Variants in SRGAP3 observed in about 807,000 individuals in gnomAD.
SRGAP3 encodes SLIT-ROBO Rho GTPase-activating protein 3.
Under a neutral mutation model 121.1 loss-of-function variants are expected in SRGAP3, and 39 were observed. The observed-to-expected ratio is 0.32, with a 90% CI of 0.25 to 0.42. SRGAP3 has a LOEUF of 0.42. Among genes scored for constraint, SRGAP3 ranks in the 10% least tolerant of loss-of-function variants. SRGAP3 has a pLI of 1.00. For synonymous variants in SRGAP3, 601 were observed against 570.0 expected, an observed-to-expected ratio of 1.05 and a Z score of -0.77; for missense variants, 1,213 against 1,470.6, an observed-to-expected ratio of 0.82 and a Z score of 2.86.
At chr3:9,028,061 T>A in intron 12 of SRGAP3, 1 of 1,613,486 alleles carries the variant, frequency 6.2e-7, no homozygotes, top group South Asian at 1.1e-5. Context: ...ACAGTTTCCA[T>A]CACGGTGAAT....
chr3:9,071,013 G>A (rs189154981), intron 4 of SRGAP3, among the ~76,000 whole-genome samples: 1 of 152,304 alleles, frequency 6.6e-6, no homozygotes, highest in Admixed American at 6.5e-5. Flanking sequence ...GCTGTTAGCT[G>A]GGTGAGCAGG....
intron 10 of SRGAP3, among the ~76,000 whole-genome samples, chr3:9,039,522 G>T (rs1944922071): frequency 6.6e-6 from 1 of 152,136 alleles, no homozygotes; most frequent in South Asian, 2.1e-4. Context: ...TACCCATTTG[G>T]AGTGTATAAT....
chr3:9,314,597 T>C (rs1955311551), intron 3 of SRGAP3, among the ~76,000 whole-genome samples: 1 of 152,074 alleles, frequency 6.6e-6, no homozygotes, highest in Admixed American at 6.6e-5. Context: ...GGTGAGTTTT[T>C]TGTCTTACTA....
chr3:9,223,413 TATC>T (rs775678216), intron 1 of SRGAP3, among the ~76,000 whole-genome samples: 1 of 152,224 alleles, frequency 6.6e-6, no homozygotes, highest in Admixed American at 6.5e-5. Context: ...CTACAGGACT[TATC>T]AGAGTCTTTA....
rs187678753 is a variant in SRGAP3, at chr3:9,318,956, G to T, written n.442+7054C>A. On this transcript the variant is annotated intron_variant and non_coding_transcript_variant, in intron 3 of 3. Transcript: ENST00000490889. ...ATCCTTATTTTGTTTTTTCTGATCTGCCATTTTCTTCCCTGAGTCAATAAG... is the reference window on the plus strand; with the variant it reads ...ATCCTTATTTTGTTTTTTCTGATCTTCCATTTTCTTCCCTGAGTCAATAAG... 3.8e-4 allele frequency among the ~76,000 whole-genome samples: 57 copies of T among 151,882 alleles called. 1 individual carries two copies. The East Asian group carries it at 7.5e-3, about 20-fold the overall frequency.
Position 9,190,403 on chromosome 3 carries a change from T to C in SRGAP3, c.67+58482A>G, listed in dbSNP as rs1298422907. Among the ~76,000 whole-genome samples, 16 of 152,238 alleles carry C rather than the reference T, an allele frequency of 1.1e-4. 1 individual carries two copies. In the East Asian group the frequency reaches 3.1e-3, roughly 29 times the overall value. ...ACGCTGAGCTCTTGGCATGAACAGA[T>C]AGGTTTCGCCATGGTCTCGAGTATG... On this transcript the variant is annotated intron_variant, in intron 1 of 21. Coordinates refer to ENST00000383836, the MANE Select transcript of SRGAP3 (RefSeq NM_014850.4).
chr3:9,210,887 AT>A (rs1952424211), intron 1 of SRGAP3, among the ~76,000 whole-genome samples: 1 of 152,210 alleles, frequency 6.6e-6, no homozygotes. Flanking sequence ...AAACTGTTAA[AT>A]TTTTTTAAAG....
intron 3 of SRGAP3, among the ~76,000 whole-genome samples, chr3:9,267,769 G>A (rs1280821029): frequency 6.6e-6 from 1 of 152,094 alleles, no homozygotes; most frequent in Non-Finnish European, 1.5e-5. Context: ...ATGCTGTCTG[G>A]ACAACAGCCA....
chr3:9,215,032 A>T (rs917245906), intron 1 of SRGAP3, among the ~76,000 whole-genome samples: 4 of 152,278 alleles, frequency 2.6e-5, no homozygotes, highest in Non-Finnish European at 5.9e-5. Context: ...TAAGTGGTGG[A>T]GGGGGAAATT....
rs1459042286 is a variant in SRGAP3 at position 8,985,470 on chromosome 3, GGCCGTGGTGA to G, written c.*39_*48del. 1 of 1,594,206 alleles carries G rather than the reference GGCCGTGGTGA, an allele frequency of 6.3e-7. No homozygotes were observed. Among genetic ancestry groups the G allele is most frequent in the African/African-American group, 1.3e-5 (1 of 74,584 alleles). On this transcript the variant is annotated 3_prime_UTR_variant, in exon 22 of 22. Coordinates refer to ENST00000383836, the MANE Select transcript of SRGAP3 (RefSeq NM_014850.4). This position sits in a 1 kb window ranked among gnomAD's most constrained non-coding sequence, Gnocchi z 5.1. The stretch of plus-strand genomic sequence containing the variant: ...CGTGGAAGCCACCAAGGCCACCCTG[GGCCGTGGTGA>G]GCCACAGCGGGCCACGGCGGCGCGG...
intron 1 of SRGAP3, among the ~76,000 whole-genome samples, chr3:9,217,190 A>G (rs1041535565): frequency 2.0e-5 from 3 of 152,278 alleles, no homozygotes; most frequent in Admixed American, 6.5e-5. Context: ...ACACAATAAA[A>G]AAAAATTGAC....
At chr3:9,201,755 A>G (rs564459559) in intron 1 of SRGAP3, among the ~76,000 whole-genome samples, 1 of 152,334 alleles carries the variant, frequency 6.6e-6, no homozygotes, top group East Asian at 1.9e-4. Flanking sequence ...GAGACACGTT[A>G]CAGAGACTTG....
intron 1 of SRGAP3, among the ~76,000 whole-genome samples, chr3:9,214,872 TG>T (rs1952563131): frequency 6.6e-6 from 1 of 152,118 alleles, no homozygotes; most frequent in African/African-American, 2.4e-5. Context: ...TACAGGAGGA[TG>T]GATCAAATTT....
At position 9,058,310 on chromosome 3, in the gene SRGAP3, A is replaced by C. The variant is rs752528001; in HGVS notation, c.964T>G (p.Cys322Gly). The change falls in exon 7 of 22, where the codon TGC becomes GGC. Residue 322 changes from cysteine (C) to glycine (G), a missense_variant. By Grantham distance (159) the Cys-to-Gly change is radical. Around this residue, in one of 2 missense-constraint regions of SRGAP3, gnomAD observed 793 missense variants for 1,032.9 expected, o/e 0.77. Transcript: ENST00000383836. ...RSDKHTVMDM[C>G]NQVFCPPLKF... ...AGTGGAGGGCAGAAGACTTGATTGC[A>C]CATGTCCATGACTGTGTGCTTGTCA... 3 of 1,614,236 alleles carry C rather than the reference A, an allele frequency of 1.9e-6. No homozygotes were observed. In the East Asian group the frequency reaches 6.7e-5, roughly 36 times the overall value.
intron 1 of SRGAP3, among the ~76,000 whole-genome samples, chr3:9,211,775 AAGCCTTCCTCTCACATC>A (rs1227727258): frequency 6.6e-6 from 1 of 150,512 alleles, no homozygotes; most frequent in Non-Finnish European, 1.5e-5. Flanking sequence ...TCCTGGGCTT[AAGCCTTCCTCTCACATC>A]AGCATCCTGA....
Position 9,123,388 on chromosome 3 carries a change from TACATACACAATACACATAC to T in SRGAP3, c.260+1318_260+1336del, listed in dbSNP as rs1560201610. On this transcript the variant is annotated intron_variant, in intron 2 of 21. Transcript: ENST00000383836. The stretch of plus-strand genomic sequence containing the variant: ...CAATTAAAAAATATATATATATATA[TACATACACAATACACATAC>T]ATACACATACATGGAGAGGCCGGGT... Among the ~76,000 whole-genome samples, 32 of 19,684 alleles carry T rather than the reference TACATACACAATACACATAC, an allele frequency of 1.6e-3. 2 individuals carry two copies. Among genetic ancestry groups the T allele is most frequent in the African/African-American group, 8.3e-3 (29 of 3,482 alleles). 12.9% of individuals were successfully genotyped at this position (19,684 alleles called of 152,430 possible).
chr3:8,995,401 G>C lies in SRGAP3; in HGVS notation c.2228-878C>G, dbSNP rs184474381. 6.9e-4 allele frequency among the ~76,000 whole-genome samples: 105 copies of C among 152,284 alleles called. No individual in the cohort carries two copies. In the South Asian group the frequency reaches 8.9e-3, roughly 13 times the overall value. ...CGAGGCAGGAAGATCACTTGAGCCT[G>C]GGAGGTTGAGGCTGCAGTGAGCCAT... is the stretch of plus-strand genomic sequence containing the variant. On this transcript the variant is annotated intron_variant, in intron 18 of 21. Coordinates refer to ENST00000383836, the MANE Select transcript of SRGAP3 (RefSeq NM_014850.4).
chr3:8,987,712 G>A (rs79943958), intron 21 of SRGAP3, among the ~76,000 whole-genome samples: 1 of 133,616 alleles, frequency 7.5e-6, no homozygotes, highest in Non-Finnish European at 1.5e-5. Flanking sequence ...TGTTTCATCC[G>A]TTGCCCCAGA....
Position 9,124,601 on chromosome 3 carries a change from G to A in SRGAP3, c.260+124C>T, listed in dbSNP as rs1949147162. ...GAGGTGTAAGTAACCTGCAGAGCCA[G>A]GGCCCTGAAGGCACACCCTCTGCCT... On this transcript the variant is annotated intron_variant, in intron 2 of 21. Coordinates refer to ENST00000383836, the MANE Select transcript of SRGAP3 (RefSeq NM_014850.4). 8 of 1,253,426 alleles carry A rather than the reference G, an allele frequency of 6.4e-6. No individual in the cohort carries two copies. The South Asian group carries it at 8.7e-5, about 14-fold the overall frequency. 77.6% of individuals were successfully genotyped at this position (1,253,426 alleles called of 1,614,324 possible).
Sources: allele counts gnomAD v4.1 joint callset (sites outside exome capture counted in the v4.1 genomes callset), GRCh38; gene constraint gnomAD v4.1.1; regional missense constraint gnomAD v4.1.1; non-coding constraint Gnocchi (gnomAD v3.1); transcripts MANE v1.5; gene names NCBI Gene and HGNC (gene_info 2026-07-23, HGNC 2026-07-21).